The following TNRC6C variants were observed in gnomAD, a reference collection of about 807,000 sequenced individuals.
TNRC6C encodes the protein trinucleotide repeat containing adaptor 6C.
Under a neutral mutation model 153.7 loss-of-function variants are expected in TNRC6C, and 20 were observed. That is an observed-to-expected ratio of 0.13 (90% CI 0.09 to 0.19). The LOEUF (loss-of-function observed/expected upper bound fraction) is 0.19. Ranked by LOEUF, TNRC6C falls within the 10% of genes least tolerant of loss-of-function variation. The pLI is 1.00. For missense variants in TNRC6C, 1,987 were observed against 2,172.0 expected, an observed-to-expected ratio of 0.91 and a Z score of 1.69; for synonymous variants, 811 against 841.4, an observed-to-expected ratio of 0.96 and a Z score of 0.63.
At chr17:77,981,115 C>T (rs1355357869) in intron 1 of TNRC6C, among the ~76,000 whole-genome samples, 1 of 152,064 alleles carries the variant, frequency 6.6e-6, no homozygotes, top group Non-Finnish European at 1.5e-5. Context: ...AGCTGGGACT[C>T]CAGGCACGTA....
At chr17:78,050,690 C>G in exon 3 of TNRC6C, 3 of 1,569,748 alleles carry the variant, frequency 1.9e-6, no homozygotes, top group Non-Finnish European at 2.6e-6. Flanking sequence ...TCGATAAGCT[C>G]TACTGCTGTT....
intron 1 of TNRC6C, among the ~76,000 whole-genome samples, chr17:78,031,043 G>T (rs544798522): frequency 6.6e-6 from 1 of 152,218 alleles, no homozygotes; most frequent in East Asian, 1.9e-4. Flanking sequence ...AGGTTGCAGT[G>T]AGCTAAGATG....
Position 78,108,252 on chromosome 17 carries a change from C to G in TNRC6C, c.*3407C>G, listed in dbSNP as rs550559169. On this transcript the variant is annotated 3_prime_UTR_variant, in exon 20 of 20. Transcript: ENST00000301624. ...GACCCGCACCCCCGCCACAGGCTGG[C>G]CCCCCCCCACCCATGGGGAAGGTGG... The G allele has an allele frequency of 3.4e-4, 51 of 148,026 alleles. No individual in the cohort carries two copies. The Middle Eastern group carries it at 5.9e-3, about 17-fold the overall frequency. The allele number at this position is 148,026 out of a possible 1,614,324, so 9.2% of individuals were successfully genotyped here.
At chr17:77,960,789 A>T (rs1329126440) in intron 1 of TNRC6C, among the ~76,000 whole-genome samples, 2 of 152,236 alleles carry the variant, frequency 1.3e-5, no homozygotes, top group East Asian at 3.8e-4. Flanking sequence ...GGGGGAAATA[A>T]TGCAAAACAG....
At chr17:78,081,985 T>G (rs1326130522) in intron 10 of TNRC6C, among the ~76,000 whole-genome samples, 2 of 152,034 alleles carry the variant, frequency 1.3e-5, no homozygotes, top group Non-Finnish European at 2.9e-5. Flanking sequence ...CCTTTCTTTC[T>G]TATTCTTTAC....
At chr17:78,083,783 C>T (rs1011088985) in intron 11 of TNRC6C, among the ~76,000 whole-genome samples, 3 of 152,158 alleles carry the variant, frequency 2.0e-5, no homozygotes, top group African/African-American at 7.2e-5. Flanking sequence ...CCTAATAATT[C>T]TTGAAAGTTT....
At position 78,104,614 on chromosome 17, in the gene TNRC6C, G is replaced by A. The variant is rs1052642292; in HGVS notation, c.4842G>A (p.Pro1614=). 5.2e-5 allele frequency: 81 copies of A among 1,549,744 alleles called. No individual in the cohort carries two copies. Among genetic ancestry groups the A allele is most frequent in the Non-Finnish European group, 6.1e-5 (70 of 1,147,126 alleles). Residue 1614 remains proline, a synonymous_variant, in exon 20 of 20, where the codon CCG becomes CCA. Coordinates refer to ENST00000301624, the Ensembl canonical transcript of TNRC6C. This position sits in a 1 kb window ranked among gnomAD's most constrained non-coding sequence, Gnocchi z 6.2. Reference sequence around the variant, plus strand: ...AGTCCAGCAGCGCGTCCAGCCAGCCGCGGCTCAGCGCAGCGGGCAGCTCCC... The same window carrying A: ...AGTCCAGCAGCGCGTCCAGCCAGCCACGGCTCAGCGCAGCGGGCAGCTCCC...
chr17:77,980,799 A>G (rs1472375751), intron 1 of TNRC6C, among the ~76,000 whole-genome samples: 1 of 152,190 alleles, frequency 6.6e-6, no homozygotes, highest in East Asian at 1.9e-4. Flanking sequence ...TACGTTTACC[A>G]GGTTATTACA....
chr17:78,068,542 C>G (rs529580575), intron 5 of TNRC6C, among the ~76,000 whole-genome samples: 19 of 152,030 alleles, frequency 1.2e-4, no homozygotes, highest in Admixed American at 7.2e-4. Context: ...ACCTGTAATC[C>G]CGGCACTTTG....
intron 11 of TNRC6C, 145 bp from the exon 14 acceptor site, chr17:78,086,358 A>AAAAAC: frequency 4.9e-6 from 2 of 410,310 alleles, no homozygotes; most frequent in African/African-American, 4.5e-5. Flanking sequence ...AAAAAAAAAA[A>AAAAAC]AACAGTATGT....
chr17:78,079,323 T>C lies in TNRC6C; in HGVS notation c.3211-72T>C. 6.3e-7 allele frequency: 1 copy of C among 1,581,586 alleles called. No individual in the cohort carries two copies. Among genetic ancestry groups the C allele is most frequent in the South Asian group, 1.1e-5 (1 of 88,420 alleles). On this transcript the variant is annotated intron_variant, in intron 9 of 19. Coordinates refer to ENST00000301624, the Ensembl canonical transcript of TNRC6C. This position sits in a 1 kb window ranked among gnomAD's most constrained non-coding sequence, Gnocchi z 4.3. ...TTTTGCATTCACTTGAAATAGATCA[T>C]TTCACCCTACCTCCAAACAATGTTA...
chr17:78,083,272 G>A, intron 11 of TNRC6C, 106 bp downstream of exon 13: 1 of 1,457,964 alleles, frequency 6.9e-7, no homozygotes, highest in Non-Finnish European at 9.3e-7. Context: ...CGTCAGGGAT[G>A]TCATTGAGAC....
At position 78,049,575 on chromosome 17, in the gene TNRC6C, T is replaced by C. The variant is rs2072478378; in HGVS notation, c.513T>C (p.Ser171=). Residue 171 remains serine (S), a synonymous_variant, in exon 3 of 20, where the codon TCT becomes TCC. Transcript: ENST00000301624. The surrounding 1 kb of genome is among the most constrained non-coding windows in gnomAD (Gnocchi z 4.1). Reference sequence around the variant, plus strand: ...AAACGTCCACTTCTCAGAATGTGTCTTTCAGCGCACAACCTCAGAACCTTA... The same window carrying C: ...AAACGTCCACTTCTCAGAATGTGTCCTTCAGCGCACAACCTCAGAACCTTA... 6.2e-7 allele frequency: 1 copy of C among 1,614,000 alleles called. No individual in the cohort carries two copies. Among genetic ancestry groups the C allele is most frequent in the East Asian group, 2.2e-5 (1 of 44,888 alleles).
exon 3 of TNRC6C, chr17:78,050,967 A>G: frequency 7.4e-6 from 12 of 1,613,980 alleles, no homozygotes; most frequent in Non-Finnish European, 9.3e-6. Context: ...ACACCACGAG[A>G]TCTGGGAACA....
At chr17:78,007,200 T>C (rs8080351) in intron 1 of TNRC6C, among the ~76,000 whole-genome samples, 1,738 of 152,308 alleles carry the variant, frequency 0.011, 30 homozygotes, top group African/African-American at 0.04. Flanking sequence ...TCTCTTCTCC[T>C]TCTATATCCT....
At chr17:78,001,073 T>G (rs2071405653), upstream of TNRC6C, among the ~76,000 whole-genome samples, 1 of 152,192 alleles carries the variant, frequency 6.6e-6, no homozygotes, top group South Asian at 2.1e-4. Flanking sequence ...TTTTCACCCT[T>G]TCCTCCTCCT....
At chr17:77,996,773 A>T (rs896464691) in intron 1 of TNRC6C, among the ~76,000 whole-genome samples, 6 of 152,170 alleles carry the variant, frequency 3.9e-5, no homozygotes, top group Admixed American at 1.3e-4. Context: ...GTCATCCCTG[A>T]ATCTGAGCAC....
chr17:78,073,537 G>A (rs1205697858), intron 7 of TNRC6C, among the ~76,000 whole-genome samples: 1 of 152,124 alleles, frequency 6.6e-6, no homozygotes, highest in Non-Finnish European at 1.5e-5. Flanking sequence ...AGCAACCCTA[G>A]TTCTAGAGCT....
rs543819223 is a variant in TNRC6C at position 78,085,811 on chromosome 17, T to A, written c.3478-692T>A. 2.2e-3 allele frequency among the ~76,000 whole-genome samples: 332 copies of A among 151,890 alleles called. 1 individual carries two copies. Among genetic ancestry groups the A allele is most frequent in the Non-Finnish European group, 3.9e-3 (263 of 67,976 alleles). On this transcript the variant is annotated intron_variant, in intron 11 of 19. Transcript: ENST00000301624. ...TTGTCTGGGCTGTCCTGGACTTCAG[T>A]CTCCATCATTATAGAATAGGTTGGT... is the stretch of plus-strand genomic sequence containing the variant.
Sources: allele counts gnomAD v4.1 joint callset (sites outside exome capture counted in the v4.1 genomes callset), GRCh38; gene constraint gnomAD v4.1.1; non-coding constraint Gnocchi (gnomAD v3.1); transcripts MANE v1.5; gene names NCBI Gene and HGNC (gene_info 2026-07-23, HGNC 2026-07-21).